CDK12: variants seen among roughly 807,000 people sequenced by gnomAD.
CDK12 encodes the protein cyclin dependent kinase 12, also known as cyclin-dependent kinase 12.
In CDK12, 17 loss-of-function variants were observed where a neutral mutation model predicts 133.8. The ratio of observed to expected loss-of-function variants is 0.13; its 90% CI spans 0.09 to 0.19. CDK12 has a LOEUF of 0.19. Among genes scored for constraint, CDK12 ranks in the 10% least tolerant of loss-of-function variants. The pLI is 1.00. For synonymous variants in CDK12, 694 were observed against 683.6 expected (o/e 1.02, Z -0.24); for missense variants, 1,508 against 1,818.7 (o/e 0.83, Z 3.11).
At chr17:39,486,632 A>T (rs951812231) in intron 2 of CDK12, among the ~76,000 whole-genome samples, 6 of 152,128 alleles carry the variant, frequency 3.9e-5, no homozygotes, top group African/African-American at 1.4e-4. Context: ...TGAGGAATTG[A>T]GATTTGTAAA....
At position 39,532,140 on chromosome 17, in the gene CDK12, C is replaced by CTCTCTCTG. The variant is rs1184631339; in HGVS notation, c.*827_*828insCTCTGTCT. ...TCTCTCTCTCTCTCTCTCTCTCTCT[C>CTCTCTCTG]TCTGTCTCGCTTGCTCGCTCTCGCT... is the stretch of plus-strand genomic sequence containing the variant. On this transcript the variant is annotated 3_prime_UTR_variant, in exon 14 of 14. Coordinates refer to ENST00000447079, the MANE Select transcript of CDK12 (RefSeq NM_016507.4). 568 of 224,406 alleles carry CTCTCTCTG rather than the reference C, an allele frequency of 2.5e-3. 5 individuals carry two copies. The highest frequency in any genetic ancestry group is 0.01 in the African/African-American group (421 of 40,830). The allele number at this position is 224,406 out of a possible 1,614,324, so 13.9% of individuals were successfully genotyped here.
At chr17:39,557,148 T>C (rs2056191034) in intron 3 of CDK12, 2 of 152,188 alleles carry the variant, frequency 1.3e-5, no homozygotes, top group Non-Finnish European at 2.9e-5. Context: ...TAGAGATGTC[T>C]TATCAAGACA....
intron 4 of CDK12, among the ~76,000 whole-genome samples, chr17:39,493,164 T>C (rs967341149): frequency 8.5e-5 from 8 of 94,598 alleles, no homozygotes; most frequent in African/African-American, 2.3e-4. Flanking sequence ...CGACTAATTT[T>C]TGTTTTTTTT....
At chr17:39,468,822 T>C (rs532644844) in intron 1 of CDK12, among the ~76,000 whole-genome samples, 2 of 151,142 alleles carry the variant, frequency 1.3e-5, no homozygotes, top group Non-Finnish European at 2.9e-5. Flanking sequence ...TTTATTTATT[T>C]ATTTATTTTG....
chr17:39,505,324 A>AGACCTCTT (rs1460325956), intron 6 of CDK12, among the ~76,000 whole-genome samples: 1 of 151,864 alleles, frequency 6.6e-6, no homozygotes, highest in Non-Finnish European at 1.5e-5. Flanking sequence ...CAAGAGATCG[A>AGACCTCTT]GACCATCCTG....
At chr17:39,476,518 A>G (rs1012476985) in intron 2 of CDK12, among the ~76,000 whole-genome samples, 3 of 151,250 alleles carry the variant, frequency 2.0e-5, no homozygotes, top group African/African-American at 7.3e-5. Context: ...GGTTCAAGCA[A>G]TTCTCCTGCC....
intron 7 of CDK12, among the ~76,000 whole-genome samples, chr17:39,511,204 G>C (rs2053483086): frequency 1.0e-5 from 1 of 97,112 alleles, no homozygotes; most frequent in Admixed American, 1.5e-4. Context: ...GACAGAGCAA[G>C]ACACCGTCTC....
At position 39,517,458 on chromosome 17, in the gene CDK12, T is replaced by G. The variant is rs1252248226; in HGVS notation, c.2865T>G (p.Pro955=). 1.9e-6 allele frequency: 3 copies of G among 1,612,208 alleles called. No homozygotes were observed. The African/African-American group carries it at 4.0e-5, about 22-fold the overall frequency. ...TTTTCAGCCGACTTTGTGGTAGCCC[T>G]TGTCCAGCTGTGTGGCCTGATGTTA... is the stretch of plus-strand genomic sequence containing the variant. ...LELISRLCGS[P]CPAVWPDVIK... is the part of the protein sequence containing the mutation. Residue 955 remains proline (P), a synonymous_variant, in exon 10 of 14, where the codon CCT becomes CCG. Transcript: ENST00000447079.
intron 2 of CDK12, among the ~76,000 whole-genome samples, chr17:39,482,487 T>G (rs1241528679): frequency 3.3e-5 from 5 of 152,008 alleles, no homozygotes; most frequent in African/African-American, 1.2e-4. Flanking sequence ...TAAACTTTTT[T>G]TTTTAGGGAA....
chr17:39,478,381 A>G (rs2050381457), intron 2 of CDK12, among the ~76,000 whole-genome samples: 1 of 151,714 alleles, frequency 6.6e-6, no homozygotes, highest in African/African-American at 2.4e-5. Context: ...TTTAGTAGAG[A>G]CAGGGTTTCA....
chr17:39,510,266 C>G (rs1211636454), intron 7 of CDK12, among the ~76,000 whole-genome samples: 1 of 151,410 alleles, frequency 6.6e-6, no homozygotes, highest in Non-Finnish European at 1.5e-5. Context: ...ATTACAGGTG[C>G]CCGCCACTAC....
chr17:39,563,183 GCACA>G (rs369246701), intron 3 of CDK12, among the ~76,000 whole-genome samples: 2 of 151,808 alleles, frequency 1.3e-5, no homozygotes, highest in African/African-American at 4.8e-5. Context: ...ACAGGCGTAT[GCACA>G]CACACACACT....
intron 8 of CDK12, among the ~76,000 whole-genome samples, chr17:39,514,380 TA>T (rs772991683): frequency 5.9e-5 from 9 of 152,216 alleles, no homozygotes; most frequent in Non-Finnish European, 1.0e-4. Context: ...AATTTTAAAA[TA>T]AAAGTATAAA....
chr17:39,522,677 G>T (rs1598162957), intron 11 of CDK12, among the ~76,000 whole-genome samples: 1 of 152,022 alleles, frequency 6.6e-6, no homozygotes, highest in South Asian at 2.1e-4. Context: ...CAGGTGATTC[G>T]CCTGCCTCGT....
At chr17:39,489,784 G>A (rs1247196709) in intron 2 of CDK12, among the ~76,000 whole-genome samples, 1 of 143,860 alleles carries the variant, frequency 7.0e-6, no homozygotes, top group Non-Finnish European at 1.5e-5. Context: ...GAGCCACCGT[G>A]CCTGGCCTAA....
intron 10 of CDK12, among the ~76,000 whole-genome samples, chr17:39,519,305 T>C (rs2054015086): frequency 7.5e-6 from 1 of 132,556 alleles, no homozygotes. Context: ...AGACTTTTTT[T>C]TTTTTTTTTT....
chr17:39,470,777 C>T, intron 1 of CDK12, 102 bp from the exon 2 acceptor site: 1 of 1,003,484 alleles, frequency 1.0e-6, no homozygotes, highest in South Asian at 1.8e-5. Context: ...ATCTATTTTA[C>T]AATTGATAAG....
intron 2 of CDK12, among the ~76,000 whole-genome samples, chr17:39,481,222 C>T (rs2050616889): frequency 6.7e-6 from 1 of 148,640 alleles, no homozygotes; most frequent in African/African-American, 2.5e-5. Context: ...CATTGCACTC[C>T]AGCCTGGGCA....
chr17:39,495,407 T>G (rs1487185649), intron 5 of CDK12, among the ~76,000 whole-genome samples: 36 of 149,596 alleles, frequency 2.4e-4, no homozygotes, highest in African/African-American at 2.9e-4. Flanking sequence ...TTTTTTTTTT[T>G]TTTTTTTTTA....
Sources: allele counts gnomAD v4.1 joint callset (sites outside exome capture counted in the v4.1 genomes callset), GRCh38; gene constraint gnomAD v4.1.1; transcripts MANE v1.5; gene names NCBI Gene and HGNC (gene_info 2026-07-23, HGNC 2026-07-21).